The following GTF2IRD1 variants were observed in gnomAD, a reference collection of about 807,000 sequenced individuals.
The protein encoded by GTF2IRD1 is general transcription factor II-I repeat domain-containing protein 1.
Under a neutral mutation model 113.2 loss-of-function variants are expected in GTF2IRD1, and 26 were observed. The observed-to-expected ratio is 0.23, with a 90% confidence interval of 0.17 to 0.32. GTF2IRD1 has a LOEUF of 0.32. GTF2IRD1 is among the 10% of genes least tolerant of loss of function. The pLI, the probability that GTF2IRD1 is intolerant of heterozygous loss-of-function variation, is 1.00. For synonymous variants in GTF2IRD1, 484 were observed against 529.1 expected, an observed-to-expected ratio of 0.91 and a Z score of 1.17; for missense variants, 864 against 1,280.8, an observed-to-expected ratio of 0.67 and a Z score of 4.97.
rs587597250 is a variant in GTF2IRD1, at chr7:74,518,798, G to A, written c.605+476G>A. 8.5e-5 allele frequency among the ~76,000 whole-genome samples: 13 copies of A among 152,244 alleles called. No individual in the cohort carries two copies. The South Asian group carries it at 2.7e-3, about 32-fold the overall frequency. On this transcript the variant is annotated intron_variant, in intron 5 of 26. Coordinates refer to ENST00000424337, the MANE Select transcript of GTF2IRD1 (RefSeq NM_005685.4). ...AGCTGTTCAGGAGGCTGAGGCAGGA[G>A]GCTTGCTTGAGCCCAGGAGTTTGAG...
At chr7:74,590,537 C>T (rs1801996237) in intron 23 of GTF2IRD1, among the ~76,000 whole-genome samples, 1 of 151,896 alleles carries the variant, frequency 6.6e-6, no homozygotes, top group African/African-American at 2.4e-5. Context: ...TACAGGTGCC[C>T]GCCACCACGC....
At chr7:74,538,833 G>T in intron 13 of GTF2IRD1, 73 bp downstream of exon 13, 1 of 832,792 alleles carries the variant, frequency 1.2e-6, no homozygotes, top group Non-Finnish European at 2.0e-6. Context: ...GGTCTGCCCT[G>T]GTGAAGAAGT....
intron 22 of GTF2IRD1, among the ~76,000 whole-genome samples, chr7:74,566,846 C>T (rs894650874): frequency 1.3e-5 from 2 of 152,140 alleles, no homozygotes; most frequent in Non-Finnish European, 2.9e-5. Flanking sequence ...TACCACTAGC[C>T]TAGGGCTTGT....
chr7:74,514,497 G>T (rs151190830), intron 3 of GTF2IRD1, among the ~76,000 whole-genome samples: 3 of 152,180 alleles, frequency 2.0e-5, no homozygotes, highest in Non-Finnish European at 2.9e-5. Flanking sequence ...TTTATTTCAA[G>T]CTCCGCAGAT....
At chr7:74,553,804 C>CT (rs1425316601) in intron 17 of GTF2IRD1, among the ~76,000 whole-genome samples, 1 of 152,178 alleles carries the variant, frequency 6.6e-6, no homozygotes, top group African/African-American at 2.4e-5. Flanking sequence ...TTCTGCCTCT[C>CT]TAAGTTTACT....
chr7:74,590,794 T>A lies in GTF2IRD1; in HGVS notation c.2399-31T>A, dbSNP rs782654766. ...GGCTTTGCCATTGACAGGAGACATC[T>A]TTCCTCACTGTGACTTCCTGTGCCC... On this transcript the variant is annotated intron_variant, in intron 23 of 26. Transcript: ENST00000424337. The A allele has an allele frequency of 2.3e-5, 34 of 1,496,692 alleles. No individual in the cohort carries two copies. In the East Asian group the frequency reaches 4.1e-4, roughly 18 times the overall value. 92.7% of individuals were successfully genotyped at this position (1,496,692 alleles called of 1,614,324 possible).
chr7:74,483,554 A>T (rs933951396), intron 1 of GTF2IRD1, among the ~76,000 whole-genome samples: 68 of 152,052 alleles, frequency 4.5e-4, no homozygotes, highest in Admixed American at 2.1e-3. Flanking sequence ...TACAAAAAAA[A>T]TTTTTAAAAA....
At chr7:74,556,477 C>T (rs1228501240) in intron 19 of GTF2IRD1, among the ~76,000 whole-genome samples, 15 of 150,304 alleles carry the variant, frequency 1.0e-4, no homozygotes, top group South Asian at 2.1e-4. Context: ...CGTGCCACCA[C>T]ACCCGGCTAA....
chr7:74,530,215 AG>A (rs1378991220), intron 9 of GTF2IRD1, among the ~76,000 whole-genome samples: 2 of 146,472 alleles, frequency 1.4e-5, no homozygotes, highest in Non-Finnish European at 3.0e-5. Flanking sequence ...GTCTCAAAAA[AG>A]AGAGGTGCGG....
At chr7:74,572,625 A>G (rs1022799407) in intron 22 of GTF2IRD1, 23 of 891,266 alleles carry the variant, frequency 2.6e-5, no homozygotes, top group East Asian at 2.4e-4. Flanking sequence ...CTTGTCGCCA[A>G]TCACACACAG....
intron 1 of GTF2IRD1, among the ~76,000 whole-genome samples, chr7:74,457,883 T>TTG (rs1554327838): frequency 4.7e-5 from 7 of 148,946 alleles, no homozygotes; most frequent in African/African-American, 1.8e-4. Flanking sequence ...TTTTGTTTTT[T>TTG]TTTTTTTTTT....
chr7:74,504,209 G>T (rs983741948), intron 1 of GTF2IRD1, among the ~76,000 whole-genome samples: 8 of 151,876 alleles, frequency 5.3e-5, no homozygotes, highest in Non-Finnish European at 1.0e-4. Context: ...GAATACTGCT[G>T]CTCTGAACAG....
intron 3 of GTF2IRD1, among the ~76,000 whole-genome samples, chr7:74,515,056 CAAAAAAA>C (rs782246030): frequency 1.5e-5 from 1 of 66,796 alleles, no homozygotes; most frequent in Non-Finnish European, 2.9e-5. Flanking sequence ...GACTCTGTCT[CAAAAAAA>C]AAAAAAAAAA....
chr7:74,556,620 C>CTTTTTT (rs782679644), intron 19 of GTF2IRD1, among the ~76,000 whole-genome samples: 2 of 107,176 alleles, frequency 1.9e-5, no homozygotes, highest in East Asian at 3.7e-4. Context: ...CTGCACCCAG[C>CTTTTTT]TTTTTTTTTT....
At chr7:74,486,221 C>A (rs1176097255) in intron 1 of GTF2IRD1, among the ~76,000 whole-genome samples, 1 of 152,144 alleles carries the variant, frequency 6.6e-6, no homozygotes, top group Non-Finnish European at 1.5e-5. Context: ...TCCGCCCACA[C>A]CGCCGTGGAG....
intron 1 of GTF2IRD1, among the ~76,000 whole-genome samples, chr7:74,505,640 C>T (rs143077150): frequency 8.5e-4 from 129 of 152,336 alleles, no homozygotes; most frequent in South Asian, 4.4e-3. Flanking sequence ...TGCCCTGATT[C>T]GATTTGGGCC....
chr7:74,463,431 C>T (rs112807421), intron 1 of GTF2IRD1, among the ~76,000 whole-genome samples: 11 of 152,090 alleles, frequency 7.2e-5, no homozygotes, highest in East Asian at 1.9e-4. Context: ...ATGGGGGTCT[C>T]GCCATGTCGC....
In GTF2IRD1 at chr7:74,590,957, G is replaced by A. The variant is rs372786161; in HGVS notation, c.2531G>A (p.Arg844Gln). 7 of 1,613,474 alleles carry A rather than the reference G, an allele frequency of 4.3e-6. No homozygotes were observed. In the African/African-American group the frequency reaches 5.3e-5, roughly 12 times the overall value. Residue 844 changes from arginine (R) to glutamine (Q), a missense_variant, in exon 24 of 27, where the codon CGG becomes CAG. Coordinates refer to ENST00000424337, the MANE Select transcript of GTF2IRD1 (RefSeq NM_005685.4). ...FRNPNTYDIHRLEKILKAREH... is the reference protein window; with the variant it reads ...FRNPNTYDIHQLEKILKAREH... ...AACCCCAACACGTACGACATCCACCGGCTGGAGAAGATCCTGAAGGCCCGA... is the reference window on the plus strand; with the variant it reads ...AACCCCAACACGTACGACATCCACCAGCTGGAGAAGATCCTGAAGGCCCGA...
intron 22 of GTF2IRD1, among the ~76,000 whole-genome samples, chr7:74,564,458 G>A (rs1233000675): frequency 6.6e-6 from 1 of 152,186 alleles, no homozygotes; most frequent in Non-Finnish European, 1.5e-5. Context: ...TGGGTCAAAA[G>A]AGATGACTCA....
Sources: gnomAD v4.1 joint callset for allele counts (sites outside exome capture counted in the v4.1 genomes callset) on GRCh38, gnomAD v4.1.1 for gene constraint, MANE v1.5 for transcripts, NCBI Gene and HGNC (gene_info 2026-07-23, HGNC 2026-07-21) for gene names.